Variants in RANBP2 observed in about 807,000 individuals in gnomAD.
The protein encoded by RANBP2 is RAN binding protein 2.
In RANBP2, 57 loss-of-function variants were observed where a neutral mutation model predicts 303.6. The ratio of observed to expected loss-of-function variants is 0.19; its 90% CI spans 0.15 to 0.23. RANBP2 has a LOEUF of 0.23. Among genes scored for constraint, RANBP2 ranks in the 10% least tolerant of loss-of-function variants. The probability of loss-of-function intolerance (pLI) is 1.00; values close to 1 mark genes in which losing one functional copy is unlikely to be tolerated. For synonymous variants in RANBP2, 1,167 were observed against 1,301.5 expected (o/e 0.90, Z 2.23); for missense variants, 3,138 against 3,780.8 (o/e 0.83, Z 4.46).
At chr2:109,519,511 G>A in the RANBP2 span, among the ~76,000 whole-genome samples, 1 of 152,234 alleles carries the variant, frequency 6.6e-6, no homozygotes, top group Non-Finnish European at 1.5e-5. Flanking sequence ...CACCTCAAGA[G>A]AGAGGCCTCA....
At chr2:109,472,338 C>G in the RANBP2 span, among the ~76,000 whole-genome samples, 1 of 152,042 alleles carries the variant, frequency 6.6e-6, no homozygotes, top group Non-Finnish European at 1.5e-5. Flanking sequence ...CCTGCACTCT[C>G]GGTGGTCTCG....
chr2:109,052,684 G>A, the RANBP2 span, among the ~76,000 whole-genome samples: 1 of 152,166 alleles, frequency 6.6e-6, no homozygotes, highest in East Asian at 1.9e-4. Flanking sequence ...ATTTTTAGTA[G>A]AGACGGGGTT....
At chr2:109,306,834 G>A in the RANBP2 span, among the ~76,000 whole-genome samples, 2 of 152,164 alleles carry the variant, frequency 1.3e-5, no homozygotes, top group Non-Finnish European at 2.9e-5. Context: ...TGCTCTGGTC[G>A]ACGTGTATGT....
the RANBP2 span, among the ~76,000 whole-genome samples, chr2:109,400,955 TA>T: frequency 1.1e-4 from 17 of 152,224 alleles, no homozygotes; most frequent in African/African-American, 4.1e-4. Context: ...TGACCTGGGC[TA>T]AATTCTTCTT....
At chr2:109,138,336 G>T in the RANBP2 span, among the ~76,000 whole-genome samples, 1,352 of 152,264 alleles carry the variant, frequency 8.9e-3, 5 homozygotes, top group Middle Eastern at 0.017. Flanking sequence ...CTCTCAGATA[G>T]AAATTTCTAA....
At chr2:108,727,315 A>G (rs1694801264) in intron 1 of RANBP2, among the ~76,000 whole-genome samples, 1 of 152,212 alleles carries the variant, frequency 6.6e-6, no homozygotes, top group Non-Finnish European at 1.5e-5. Context: ...TCTTTTGTCC[A>G]TGAAATTGTG....
the RANBP2 span, chr2:109,613,052 A>C: frequency 1.8e-6 from 1 of 551,198 alleles, no homozygotes; most frequent in South Asian, 1.5e-5. Flanking sequence ...AAAAGGGAGA[A>C]TTTGTTTTTA....
the RANBP2 span, among the ~76,000 whole-genome samples, chr2:109,438,864 A>G: frequency 6.6e-6 from 1 of 152,170 alleles, no homozygotes; most frequent in Non-Finnish European, 1.5e-5. Context: ...GGGGAGCAAA[A>G]GTCCCAGGCC....
the RANBP2 span, chr2:109,613,276 A>G: frequency 1.4e-5 from 12 of 880,372 alleles, no homozygotes; most frequent in Non-Finnish European, 1.8e-5. Context: ...TAGAGTACAA[A>G]AGAGTCAAGG....
chr2:109,096,515 GT>G, the RANBP2 span, among the ~76,000 whole-genome samples: 1 of 152,106 alleles, frequency 6.6e-6, no homozygotes, highest in South Asian at 2.1e-4. Flanking sequence ...TGAGAAGATG[GT>G]TTTATAATCA....
the RANBP2 span, among the ~76,000 whole-genome samples, chr2:108,812,248 A>G: frequency 3.3e-5 from 5 of 152,306 alleles, no homozygotes; most frequent in Non-Finnish European, 7.4e-5. Context: ...AGACACATAT[A>G]CACATAGTCC....
At chr2:108,875,395 T>C in the RANBP2 span, among the ~76,000 whole-genome samples, 1 of 151,482 alleles carries the variant, frequency 6.6e-6, no homozygotes, top group Non-Finnish European at 1.5e-5. Context: ...AAGAGGATGG[T>C]TGAACAAGTA....
the RANBP2 span, chr2:109,618,055 T>C: frequency 3.6e-5 from 6 of 166,004 alleles, no homozygotes; most frequent in Non-Finnish European, 8.8e-5. Context: ...ATATGAAATA[T>C]ATAAACTAGT....
chr2:108,885,982 T>C, the RANBP2 span, among the ~76,000 whole-genome samples: 13,431 of 152,286 alleles, frequency 0.088, 818 homozygotes, highest in African/African-American at 0.16. Flanking sequence ...TGTGTATATG[T>C]ACCACATTTC....
chr2:108,975,234 GGGAT>G, the RANBP2 span, among the ~76,000 whole-genome samples: 1 of 152,200 alleles, frequency 6.6e-6, no homozygotes, highest in Non-Finnish European at 1.5e-5. Context: ...TCTGAACACA[GGGAT>G]AGCAGCTGCG....
the RANBP2 span, among the ~76,000 whole-genome samples, chr2:108,974,459 T>C: frequency 5.4e-5 from 8 of 147,368 alleles, no homozygotes; most frequent in South Asian, 2.2e-4. Context: ...TGACTGGGCA[T>C]GGTGGCTCAC....
the RANBP2 span, among the ~76,000 whole-genome samples, chr2:109,460,444 G>C: frequency 6.6e-6 from 1 of 152,284 alleles, no homozygotes; most frequent in African/African-American, 2.4e-5. Context: ...AGCCAGGTTG[G>C]CCATGGTGAG....
At chr2:109,034,269 T>TAAA in the RANBP2 span, among the ~76,000 whole-genome samples, 1 of 6,614 alleles carries the variant, frequency 1.5e-4, no homozygotes. Context: ...AGACTCCATC[T>TAAA]CAAAAAAAAA....
At chr2:109,528,489 T>C in the RANBP2 span, among the ~76,000 whole-genome samples, 1 of 152,108 alleles carries the variant, frequency 6.6e-6, no homozygotes, top group Non-Finnish European at 1.5e-5. Context: ...AAGACCAGGA[T>C]GCCCGCCACA....
Sources: gnomAD v4.1 joint callset for allele counts (sites outside exome capture counted in the v4.1 genomes callset) on GRCh38, gnomAD v4.1.1 for gene constraint, MANE v1.5 for transcripts, NCBI Gene and HGNC (gene_info 2026-07-23, HGNC 2026-07-21) for gene names.